Variants in NOP58 observed in about 807,000 individuals in gnomAD.
NOP58 encodes NOP58 ribonucleoprotein.
In NOP58, 44 loss-of-function variants were observed where a neutral mutation model predicts 71.2. That is an observed-to-expected ratio of 0.62 (90% CI 0.49 to 0.79). The LOEUF is 0.79. Ranked by LOEUF, NOP58 falls within the 30% of genes least tolerant of loss-of-function variation. The pLI, the probability that NOP58 is intolerant of heterozygous loss-of-function variation, is 0.00. For missense variants in NOP58, 538 were observed against 620.2 expected (o/e 0.87, Z 1.41); for synonymous variants, 228 against 200.3 (o/e 1.14, Z -1.17).
Position 202,290,448 on chromosome 2 carries a change from C to G in NOP58, c.625C>G (p.Gln209Glu). Residue 209 changes from glutamine (Q) to glutamate (E), a missense_variant, in exon 7 of 15, where the codon CAG becomes GAG. By Grantham distance (29) the Gln-to-Glu change is conservative (BLOSUM62 2). Coordinates refer to ENST00000264279, the MANE Select transcript of NOP58 (RefSeq NM_015934.5). The stretch of plus-strand genomic sequence containing the variant: ...TAATTTAACATACTGCAAGTGTTTA[C>G]AGAAAGTTGGTGAGTAATTTGTTCA... Reference protein sequence around the residue: ...SDNLTYCKCLQKVGDRKNYAS... With the variant: ...SDNLTYCKCLEKVGDRKNYAS... 1.2e-6 allele frequency: 2 copies of G among 1,607,972 alleles called. No homozygotes were observed. The highest frequency in any genetic ancestry group is 1.7e-6 in the Non-Finnish European group (2 of 1,177,880).
At chr2:202,275,234 C>T in intron 2 of NOP58, 45 bp downstream of exon 2, 3 of 960,704 alleles carry the variant, frequency 3.1e-6, no homozygotes, top group East Asian at 2.5e-5. Context: ...ACATTTAGGG[C>T]TTGTTTTATT....
rs1313072767 is a variant in NOP58, at chr2:202,291,257, A to G, written c.767A>G (p.His256Arg). The change falls in exon 8 of 15, where the codon CAT becomes CGT. Residue 256 changes from histidine to arginine, a missense_variant. Transcript: ENST00000264279. ...VSEEDICNIL[H>R]LCTQVIEISE... ...GAAGAAGATATTTGCAATATTCTGC[A>G]TCTTTGCACCCAGGTAAATTTTACT... is the stretch of plus-strand genomic sequence containing the variant. 1.9e-6 allele frequency: 3 copies of G among 1,606,054 alleles called. No homozygotes were observed. Among genetic ancestry groups the G allele is most frequent in the Non-Finnish European group, 2.5e-6 (3 of 1,177,780 alleles).
At chr2:202,290,580 G>A in intron 7 of NOP58, 123 bp downstream of exon 7, 1 of 805,166 alleles carries the variant, frequency 1.2e-6, no homozygotes, top group Non-Finnish European at 1.9e-6. Flanking sequence ...TGTGTATTTG[G>A]GAAGTGTAGC....
At chr2:202,275,461 A>C in intron 2 of NOP58, 1 of 288,812 alleles carries the variant, frequency 3.5e-6, no homozygotes, top group Non-Finnish European at 6.5e-6. Flanking sequence ...ATAGTACCAA[A>C]TGTGATTGCT....
chr2:202,303,267 G>A, intron 14 of NOP58, 119 bp from the exon 15 acceptor site: 2 of 1,441,700 alleles, frequency 1.4e-6, no homozygotes, highest in Non-Finnish European at 9.4e-7. Flanking sequence ...TGCATTGAGG[G>A]GAGGAGTATG....
intron 2 of NOP58, chr2:202,276,488 T>C: frequency 1.9e-6 from 1 of 516,298 alleles, no homozygotes; most frequent in Non-Finnish European, 3.9e-6. Flanking sequence ...TCTGACTCAA[T>C]ATTCGTCACT....
intron 12 of NOP58, among the ~76,000 whole-genome samples, chr2:202,299,245 A>G (rs1041933003): frequency 2.6e-5 from 4 of 152,206 alleles, no homozygotes; most frequent in Non-Finnish European, 4.4e-5. Flanking sequence ...GGCGTGAGCC[A>G]CAGCACCCGG....
intron 10 of NOP58, among the ~76,000 whole-genome samples, chr2:202,296,705 A>G (rs1205726572): frequency 2.2e-5 from 3 of 136,454 alleles, no homozygotes; most frequent in African/African-American, 7.9e-5. Flanking sequence ...TTGAAAAAGA[A>G]CCCACGCTTT....
chr2:202,287,733 A>G lies in NOP58; in HGVS notation c.499+9A>G, dbSNP rs1243148333. Reference sequence around the variant, plus strand: ...GATTGTTCAGGCAATTTGTAAGTATAGTACATGCAAAGTCCGATTTGTTGC... The same window carrying G: ...GATTGTTCAGGCAATTTGTAAGTATGGTACATGCAAAGTCCGATTTGTTGC... On this transcript the variant is annotated intron_variant, in intron 6 of 14. Coordinates refer to ENST00000264279, the MANE Select transcript of NOP58 (RefSeq NM_015934.5). 18 of 1,594,332 alleles carry G rather than the reference A, an allele frequency of 1.1e-5. No individual in the cohort carries two copies. Among genetic ancestry groups the G allele is most frequent in the African/African-American group, 2.7e-5 (2 of 74,614 alleles).
chr2:202,293,444 A>C (rs548159461), intron 9 of NOP58, among the ~76,000 whole-genome samples: 1 of 152,270 alleles, frequency 6.6e-6, no homozygotes, highest in Non-Finnish European at 1.5e-5. Context: ...ATGATATGCT[A>C]TAATTAAAAT....
In NOP58 at chr2:202,300,372, G is replaced by GTTTGAA; in HGVS notation, c.1402+9_1402+14dup. 1 of 1,574,914 alleles carries GTTTGAA rather than the reference G, an allele frequency of 6.3e-7. No homozygotes were observed. Among genetic ancestry groups the GTTTGAA allele is most frequent in the East Asian group, 2.3e-5 (1 of 44,256 alleles). ...AAGCCAAGATTAAAGTTAAAGGTTAGTTTGAATTTTTTTTTTAACACAACT... is the reference window on the plus strand; with the variant it reads ...AAGCCAAGATTAAAGTTAAAGGTTAGTTTGAATTTGAATTTTTTTTTTAACACAACT... On this transcript the variant is annotated splice_donor_region_variant and intron_variant, in intron 13 of 14. Coordinates refer to ENST00000264279, the MANE Select transcript of NOP58 (RefSeq NM_015934.5).
In NOP58 at chr2:202,291,265, AC is replaced by A; in HGVS notation, c.778del (p.Gln260ArgfsTer2). On this transcript the variant is annotated frameshift_variant, in exon 8 of 15. Transcript: ENST00000264279. LOFTEE classifies it high-confidence loss of function. ...TATTTGCAATATTCTGCATCTTTGC[AC>A]CCAGGTAAATTTTACTCCTGGAGAA... The part of the protein sequence containing the change: ...EDICNILHLC[T>X]QVIEISEYRT... 6.2e-7 allele frequency: 1 copy of A among 1,601,042 alleles called. No homozygotes were observed. The highest frequency in any genetic ancestry group is 8.5e-7 in the Non-Finnish European group (1 of 1,176,166).
rs1688465693 is a variant in NOP58, at chr2:202,268,856, C to A, written c.45+2870C>A. On this transcript the variant is annotated intron_variant, in intron 1 of 14. Transcript: ENST00000264279. ...CTCCTGACCTCAGGTGATCTGCCCGCCTCAGCCTCCCAAAGTGCTGGGATT... is the reference window on the plus strand; with the variant it reads ...CTCCTGACCTCAGGTGATCTGCCCGACTCAGCCTCCCAAAGTGCTGGGATT... Among the ~76,000 whole-genome samples, 3 of 152,102 alleles carry A rather than the reference C, an allele frequency of 2.0e-5. No homozygotes were observed. In the South Asian group the frequency reaches 6.2e-4, roughly 31 times the overall value.
chr2:202,288,845 G>A (rs114351252), intron 6 of NOP58, among the ~76,000 whole-genome samples: 3 of 151,792 alleles, frequency 2.0e-5, no homozygotes, highest in Admixed American at 1.3e-4. Flanking sequence ...TCGGCTGGGC[G>A]CAGTGGCTCA....
intron 6 of NOP58, among the ~76,000 whole-genome samples, chr2:202,289,997 C>CA (rs1274617592): frequency 3.9e-5 from 6 of 152,126 alleles, no homozygotes; most frequent in African/African-American, 1.2e-4. Context: ...CTCTGTCACC[C>CA]AGGCTGGAAT....
intron 8 of NOP58, among the ~76,000 whole-genome samples, chr2:202,292,129 G>A (rs1209144321): frequency 6.6e-5 from 10 of 150,666 alleles, no homozygotes; most frequent in Non-Finnish European, 1.5e-4. Flanking sequence ...GAGTAGCTGG[G>A]ATTACAAGCA....
At position 202,284,482 on chromosome 2, in the gene NOP58, G is replaced by A. The variant is rs1688758756; in HGVS notation, c.434+1G>A. ...CTATGTGTCTTGGATTGGCTCACAG[G>A]TGAGAATTACTGGAAAATAAAGTCA... On this transcript the variant is annotated splice_donor_variant, in intron 5 of 14. Transcript: ENST00000264279. LOFTEE classifies it high-confidence loss of function. 6.2e-7 allele frequency: 1 copy of A among 1,610,756 alleles called. No homozygotes were observed. Among genetic ancestry groups the A allele is most frequent in the Non-Finnish European group, 8.5e-7 (1 of 1,179,230 alleles).
In NOP58 at chr2:202,303,003, C is replaced by T. The variant is rs913346762; in HGVS notation, c.1485C>T (p.His495=). 1.2e-6 allele frequency: 2 copies of T among 1,612,900 alleles called. No homozygotes were observed. Among genetic ancestry groups the T allele is most frequent in the Non-Finnish European group, 1.7e-6 (2 of 1,179,842 alleles). Residue 495 remains histidine (H), a synonymous_variant, in exon 14 of 15, where the codon CAC becomes CAT. Transcript: ENST00000264279. ...KKKKKRGKKK[H]IKEEPLSEEE... ...AGAAGAAAAGGGGTAAAAAGAAACA[C>T]ATTAAGGAAGAACCACTTTCTGAGG...
At position 202,300,260 on chromosome 2, in the gene NOP58, G is replaced by C. The variant is rs774262804; in HGVS notation, c.1295G>C (p.Gly432Ala). The change falls in exon 13 of 15, where the codon GGT becomes GCT. Residue 432 changes from glycine (G) to alanine (A), a missense_variant. Transcript: ENST00000264279. ...GAAGTGAAGACTTACGATCCTTCTG[G>C]TGACTCCACACTTCCAACCTGTTCT... ...KSEVKTYDPS[G>A]DSTLPTCSKK... is the part of the protein sequence containing the mutation. 1.3e-6 allele frequency: 2 copies of C among 1,593,934 alleles called. No homozygotes were observed. Among genetic ancestry groups the C allele is most frequent in the South Asian group, 1.2e-5 (1 of 86,400 alleles).
Sources: allele counts gnomAD v4.1 joint callset (sites outside exome capture counted in the v4.1 genomes callset), GRCh38; gene constraint gnomAD v4.1.1; transcripts MANE v1.5; gene names NCBI Gene and HGNC (gene_info 2026-07-23, HGNC 2026-07-21).